TRPV6: variants seen among roughly 807,000 people sequenced by gnomAD.
The protein encoded by TRPV6 is transient receptor potential cation channel subfamily V member 6.
Under a neutral mutation model 79.0 loss-of-function variants are expected in TRPV6, and 39 were observed. That is an observed-to-expected ratio of 0.49 (90% CI 0.38 to 0.64). The LOEUF (loss-of-function observed/expected upper bound fraction) is 0.64. Ranked by LOEUF, TRPV6 falls within the 30% of genes least tolerant of loss-of-function variation. The pLI is 0.00. For missense variants in TRPV6, 813 were observed against 1,011.1 expected, an observed-to-expected ratio of 0.80 and a Z score of 2.66; for synonymous variants, 373 against 391.9, an observed-to-expected ratio of 0.95 and a Z score of 0.57.
At chr7:142,881,270 C>T (rs751381436) in intron 1 of TRPV6, 16 of 152,168 alleles carry the variant, frequency 1.1e-4, no homozygotes, top group Non-Finnish European at 2.2e-4. Flanking sequence ...TAGATCACAA[C>T]ACGGGGGTCA....
Position 142,874,630 on chromosome 7 carries a change from A to C in TRPV6, c.1433T>G (p.Val478Gly). The C allele has an allele frequency of 1.2e-6, 2 of 1,614,078 alleles. No individual in the cohort carries two copies. Among genetic ancestry groups the C allele is most frequent in the Non-Finnish European group, 1.7e-6 (2 of 1,179,986 alleles). ...ACTGATGAGCCGCATCACCATGGTCACCAGCACCATGAAGGCATAGGTGAT... is the reference window on the plus strand; with the variant it reads ...ACTGATGAGCCGCATCACCATGGTCCCCAGCACCATGAAGGCATAGGTGAT... The change falls in exon 11 of 15, where the codon GTG becomes GGG. Residue 478 changes from valine (V) to glycine (G), a missense_variant. Physicochemically the swap from Val to Gly is moderately radical, Grantham distance 109. Coordinates refer to ENST00000359396, the MANE Select transcript of TRPV6 (RefSeq NM_018646.6).
At chr7:142,879,492 T>C (rs1001464286) in intron 1 of TRPV6, 1 of 152,194 alleles carries the variant, frequency 6.6e-6, no homozygotes, top group Non-Finnish European at 1.5e-5. Flanking sequence ...TATTTATCCA[T>C]AGTTTGACAA....
Position 142,871,605 on chromosome 7 carries a change from TG to T in TRPV6, c.*101del. ...GTTCATGCTACTCCTCTTTCTCCCC[TG>T]GGGCCTGGGAGATGAGACCTCTGGG... On this transcript the variant is annotated 3_prime_UTR_variant, in exon 15 of 15. Transcript: ENST00000359396. 1 of 1,392,506 alleles carries T rather than the reference TG, an allele frequency of 7.2e-7. No individual in the cohort carries two copies. The highest frequency in any genetic ancestry group is 9.8e-7 in the Non-Finnish European group (1 of 1,022,672). The allele number at this position is 1,392,506 out of a possible 1,614,324, so 86.3% of individuals were successfully genotyped here.
rs1009178113 is a variant in TRPV6 at position 142,877,151 on chromosome 7, T to C, written c.598A>G (p.Ile200Val). ...CCAGCCCTGCTCTCACCAAAGTAGA[T>C]GAGGTTGCAGGGACTACGGCGGAAG... Residue 200 changes from isoleucine to valine, a missense_variant, in exon 4 of 15, where the codon ATC becomes GTC. This residue lies in a region of TRPV6 where 555 missense variants were observed against 631.0 expected (regional missense o/e 0.88). Coordinates refer to ENST00000359396, the MANE Select transcript of TRPV6 (RefSeq NM_018646.6). 8.7e-6 allele frequency: 14 copies of C among 1,613,882 alleles called. No homozygotes were observed. The highest frequency in any genetic ancestry group is 1.3e-5 in the African/African-American group (1 of 74,898).
Position 142,877,709 on chromosome 7 carries a change from C to A in TRPV6, c.411G>T (p.Val137=). ...CCAGCTCCGGGGCAGCCTCCATCAG[C>A]ACCATGGCGGCCTCCAGGTTGTCAT... is the stretch of plus-strand genomic sequence containing the variant. The change falls in exon 3 of 15, where the codon GTG becomes GTT. Residue 137 remains valine, a synonymous_variant. Transcript: ENST00000359396. 6.2e-7 allele frequency: 1 copy of A among 1,614,186 alleles called. No homozygotes were observed. The highest frequency in any genetic ancestry group is 8.5e-7 in the Non-Finnish European group (1 of 1,180,036).
chr7:142,872,242 A>G, intron 14 of TRPV6, 130 bp downstream of exon 14: 5 of 1,048,088 alleles, frequency 4.8e-6, no homozygotes, highest in Non-Finnish European at 6.8e-6. Context: ...CACCAGCTCA[A>G]TCAACAAGCA....
At chr7:142,876,968 C>A in intron 4 of TRPV6, 131 bp from the exon 5 acceptor site, 8 of 1,457,342 alleles carry the variant, frequency 5.5e-6, no homozygotes, top group Non-Finnish European at 7.4e-6. Context: ...TCCTGCAGAA[C>A]CAGAGGAAGG....
chr7:142,879,356 A>T (rs922962366), intron 1 of TRPV6: 2 of 152,138 alleles, frequency 1.3e-5, no homozygotes, highest in Non-Finnish European at 2.9e-5. Context: ...TCTTATACCT[A>T]CTGTGTGCTA....
At position 142,875,108 on chromosome 7, in the gene TRPV6, GAC is replaced by G; in HGVS notation, c.1297_1298del (p.Val433HisfsTer195). ...CCAGCAGGATGATGATAGCCCCAAT[GAC>G]AGTCACCAGCTCCCCGACCAGCCGG... On this transcript the variant is annotated frameshift_variant, in exon 9 of 15. Coordinates refer to ENST00000359396, the MANE Select transcript of TRPV6 (RefSeq NM_018646.6). LOFTEE classifies it high-confidence loss of function. 6.2e-7 allele frequency: 1 copy of G among 1,614,130 alleles called. No individual in the cohort carries two copies. Among genetic ancestry groups the G allele is most frequent in the Non-Finnish European group, 8.5e-7 (1 of 1,180,020 alleles).
rs774400434 is a variant in TRPV6 at position 142,874,925 on chromosome 7, C to G, written c.1385G>C (p.Gly462Ala). ...TCACATGAGGACATGGAATGGGCCC[C>G]CAAGGATGGTCTGTCCAAAGAAGCG... is the stretch of plus-strand genomic sequence containing the variant. Residue 462 changes from glycine (G) to alanine (A), a missense_variant, in exon 10 of 15, where the codon GGG (glycine) becomes GCG (alanine). Coordinates refer to ENST00000359396, the MANE Select transcript of TRPV6 (RefSeq NM_018646.6). 2 of 1,614,064 alleles carry G rather than the reference C, an allele frequency of 1.2e-6. No homozygotes were observed. Among genetic ancestry groups the G allele is most frequent in the Non-Finnish European group, 1.7e-6 (2 of 1,180,006 alleles).
rs777071890 is a variant in TRPV6 at position 142,876,812 on chromosome 7, G to A, written c.633C>T (p.Ala211=). 6.2e-7 allele frequency: 1 copy of A among 1,614,124 alleles called. No individual in the cohort carries two copies. Among genetic ancestry groups the A allele is most frequent in the Non-Finnish European group, 8.5e-7 (1 of 1,180,010 alleles). Reference sequence around the variant, plus strand: ...GCACGATCTCCTCACTGTTCACACAGGCAGCAAAGGACAAAGGGTGCTCCC... The same window carrying A: ...GCACGATCTCCTCACTGTTCACACAAGCAGCAAAGGACAAAGGGTGCTCCC... Residue 211 remains alanine, a synonymous_variant, in exon 5 of 15, where the codon GCC becomes GCT. Coordinates refer to ENST00000359396, the MANE Select transcript of TRPV6 (RefSeq NM_018646.6).
intron 3 of TRPV6, 60 bp from the exon 4 acceptor site, chr7:142,877,339 C>G: frequency 6.3e-7 from 1 of 1,594,722 alleles, no homozygotes; most frequent in Non-Finnish European, 8.6e-7. Context: ...GGGGGTCCCT[C>G]CCATATGCAC....
chr7:142,877,232 C>G lies in TRPV6; in HGVS notation c.517G>C (p.Val173Leu). Reference sequence around the variant, plus strand: ...GCCCTGCGGGCAAGCAGGGCTCGCACCAGGTTCATGTTCTGGTTCACAACA... The same window carrying G: ...GCCCTGCGGGCAAGCAGGGCTCGCAGCAGGTTCATGTTCTGGTTCACAACA... Residue 173 changes from valine to leucine, a missense_variant, in exon 4 of 15, where the codon GTG (valine) becomes CTG (leucine). By Grantham distance (32) the Val-to-Leu change is conservative (BLOSUM62 1). Coordinates refer to ENST00000359396, the MANE Select transcript of TRPV6 (RefSeq NM_018646.6). 6.2e-7 allele frequency: 1 copy of G among 1,614,238 alleles called. No homozygotes were observed. The highest frequency in any genetic ancestry group is 8.5e-7 in the Non-Finnish European group (1 of 1,180,032).
Position 142,877,715 on chromosome 7 carries a change from G to T in TRPV6, c.405C>A (p.Ala135=), listed in dbSNP as rs1413780568. The change falls in exon 3 of 15, where the codon GCC becomes GCA. Residue 135 remains alanine, a synonymous_variant. Transcript: ENST00000359396. The stretch of plus-strand genomic sequence containing the variant: ...CCGGGGCAGCCTCCATCAGCACCAT[G>T]GCGGCCTCCAGGTTGTCATAGAGGG... 1.2e-6 allele frequency: 2 copies of T among 1,614,072 alleles called. No homozygotes were observed. The highest frequency in any genetic ancestry group is 3.3e-5 in the Admixed American group (2 of 60,006).
Position 142,871,779 on chromosome 7 carries a change from G to T in TRPV6, c.2226C>A (p.Thr742=), listed in dbSNP as rs569366787. ...TTATCCCACGCAGGTCTCTCCTCAG[G>T]GTCCCTTGCCGAAGCCTTTCCCAAT... Residue 742 remains threonine (T), a synonymous_variant, in exon 15 of 15, where the codon ACC becomes ACA. Transcript: ENST00000359396. 1.2e-6 allele frequency: 2 copies of T among 1,614,156 alleles called. No homozygotes were observed. The highest frequency in any genetic ancestry group is 2.7e-5 in the African/African-American group (2 of 75,022).
In TRPV6 at chr7:142,875,727, C is replaced by T. The variant is rs369529336; in HGVS notation, c.1029+31G>A. ...TGGCTCAGAGACCCTGACACCCCTC[C>T]CCAGCCACAGCCTGCTGTCATGAGC... On this transcript the variant is annotated intron_variant, in intron 7 of 14. Transcript: ENST00000359396. The T allele has an allele frequency of 1.4e-5, 22 of 1,599,118 alleles. No individual in the cohort carries two copies. The Middle Eastern group carries it at 1.5e-3, about 110-fold the overall frequency.
At chr7:142,876,891 G>A (rs1175045244) in intron 4 of TRPV6, 54 bp from the exon 5 acceptor site, 6 of 1,599,484 alleles carry the variant, frequency 3.8e-6, no homozygotes, top group Middle Eastern at 3.3e-4. Flanking sequence ...AGGATGGGGT[G>A]GACAGTCTCC....
In TRPV6 at chr7:142,874,547, T is replaced by A. The variant is rs1795012210; in HGVS notation, c.1516A>T (p.Met506Leu). 6.2e-7 allele frequency: 1 copy of A among 1,613,916 alleles called. No individual in the cohort carries two copies. The highest frequency in any genetic ancestry group is 1.3e-5 in the African/African-American group (1 of 74,854). The stretch of plus-strand genomic sequence containing the variant: ...ATCTGGAATCCTCGGGCGAAGTACA[T>A]GACGTTGCACCAGCCCAGCACGAGT... The change falls in exon 11 of 15, where the codon ATG (methionine) becomes TTG (leucine). Residue 506 changes from methionine (M) to leucine (L), a missense_variant. Physicochemically the swap from Met to Leu is conservative, Grantham distance 15. Coordinates refer to ENST00000359396, the MANE Select transcript of TRPV6 (RefSeq NM_018646.6).
chr7:142,879,210 C>G (rs879594506), intron 1 of TRPV6: 2 of 152,208 alleles, frequency 1.3e-5, no homozygotes, highest in Admixed American at 6.5e-5. Context: ...TGTCTTCGGA[C>G]CCTTCCTGGA....
Sources: gnomAD v4.1 joint callset for allele counts on GRCh38, gnomAD v4.1.1 for gene constraint, gnomAD v4.1.1 regional missense constraint, MANE v1.5 for transcripts, NCBI Gene and HGNC (gene_info 2026-07-23, HGNC 2026-07-21) for gene names.